Variants in TENM2 observed in about 807,000 individuals in gnomAD.
TENM2 encodes teneurin-2.
TENM2 carries 52 observed loss-of-function variants against 245.2 expected under a neutral mutation model. That is an observed-to-expected ratio of 0.21 (90% CI 0.17 to 0.27). The LOEUF is 0.27. Among genes scored for constraint, TENM2 ranks in the 10% least tolerant of loss-of-function variants. TENM2 has a pLI of 1.00. For missense variants in TENM2, 3,046 were observed against 3,666.8 expected (o/e 0.83, Z 4.37); for synonymous variants, 1,363 against 1,438.9 (o/e 0.95, Z 1.19).
intron 2 of TENM2, among the ~76,000 whole-genome samples, chr5:167,484,498 G>C (rs1432886): frequency 0.22 from 32,903 of 151,938 alleles, 3,719 homozygotes; most frequent in African/African-American, 0.29. Context: ...CCCTCCCAGC[G>C]CTCAGGAGCC....
intron 22 of TENM2, 137 bp downstream of exon 24, chr5:168,217,059 G>A: frequency 3.2e-6 from 3 of 930,006 alleles, no homozygotes; most frequent in Non-Finnish European, 3.3e-6. Flanking sequence ...TTTGGAGAAA[G>A]CCTGAGATGA....
At chr5:167,437,588 G>C (rs1200844883) in intron 2 of TENM2, among the ~76,000 whole-genome samples, 3 of 151,992 alleles carry the variant, frequency 2.0e-5, no homozygotes, top group Admixed American at 1.3e-4. Context: ...GAGTGGCCAG[G>C]GGCTGAAGAT....
At chr5:167,902,172 G>T (rs1410115737) in intron 3 of TENM2, among the ~76,000 whole-genome samples, 1 of 152,138 alleles carries the variant, frequency 6.6e-6, no homozygotes, top group Non-Finnish European at 1.5e-5. Flanking sequence ...GTGGAGTGGG[G>T]AGTGGGGTGG....
chr5:167,038,082 T>C, the TENM2 span, among the ~76,000 whole-genome samples: 1 of 152,160 alleles, frequency 6.6e-6, no homozygotes, highest in Non-Finnish European at 1.5e-5. Context: ...GAGATGTCTG[T>C]GGGATGAAGA....
At chr5:167,040,006 T>A in the TENM2 span, among the ~76,000 whole-genome samples, 6 of 152,318 alleles carry the variant, frequency 3.9e-5, no homozygotes, top group South Asian at 1.0e-3. Flanking sequence ...CTTGTATCTG[T>A]CTGCATAGAG....
At chr5:167,299,465 G>C (rs1209791499) in intron 1 of TENM2, among the ~76,000 whole-genome samples, 1 of 152,126 alleles carries the variant, frequency 6.6e-6, no homozygotes, top group African/African-American at 2.4e-5. Flanking sequence ...GCAAATCCTC[G>C]AGCTTGATGT....
rs976345548 is a variant in TENM2, at chr5:167,306,437, G to A, written c.226+21374G>A. ...TGATTTGTTTCTTGGCTTTTGAAAG[G>A]TGATTTAATTCAGGCGTATCAGAGC... On this transcript the variant is annotated intron_variant, in intron 1 of 28. Coordinates refer to ENST00000518659, the Ensembl canonical transcript of TENM2. 4 of 152,118 alleles carry A rather than the reference G, an allele frequency of 2.6e-5. No homozygotes were observed. In the South Asian group the frequency reaches 8.3e-4, roughly 32 times the overall value. The allele number at this position is 152,118 out of a possible 1,614,324, so 9.4% of individuals were successfully genotyped here.
At chr5:167,870,083 T>C (rs1400039341) in intron 2 of TENM2, among the ~76,000 whole-genome samples, 2 of 152,210 alleles carry the variant, frequency 1.3e-5, no homozygotes, top group Non-Finnish European at 2.9e-5. Context: ...GTAAGTCCTT[T>C]TGCAATACTT....
intron 1 of TENM2, among the ~76,000 whole-genome samples, chr5:167,368,467 A>G (rs900248836): frequency 1.3e-5 from 2 of 152,100 alleles, no homozygotes; most frequent in Admixed American, 6.6e-5. Flanking sequence ...TAATTTTCCT[A>G]AGGGCTTCTC....
chr5:167,997,427 A>G (rs1467336369), intron 5 of TENM2, among the ~76,000 whole-genome samples: 1 of 152,218 alleles, frequency 6.6e-6, no homozygotes, highest in East Asian at 1.9e-4. Flanking sequence ...GATAGAAACT[A>G]TAGCCCCTCC....
chr5:167,514,925 C>T (rs969696166), intron 2 of TENM2, among the ~76,000 whole-genome samples: 4 of 152,048 alleles, frequency 2.6e-5, no homozygotes, highest in East Asian at 1.9e-4. Flanking sequence ...GCAGGAGAAT[C>T]GCTTGAACCC....
At chr5:167,695,061 T>C (rs1270418508) in intron 2 of TENM2, among the ~76,000 whole-genome samples, 2 of 152,226 alleles carry the variant, frequency 1.3e-5, no homozygotes, top group Non-Finnish European at 2.9e-5. Context: ...TGAAGCTTTA[T>C]TCCTCCTTTG....
chr5:167,326,565 C>T (rs1201612634), intron 1 of TENM2, among the ~76,000 whole-genome samples: 3 of 151,534 alleles, frequency 2.0e-5, no homozygotes, highest in Non-Finnish European at 2.9e-5. Flanking sequence ...CCCAGCTACT[C>T]GGGAGGCTGA....
At chr5:167,456,488 A>G (rs1014317812) in intron 2 of TENM2, among the ~76,000 whole-genome samples, 3 of 152,110 alleles carry the variant, frequency 2.0e-5, no homozygotes, top group African/African-American at 7.2e-5. Context: ...ACACACACAC[A>G]CATCTGGTTT....
At chr5:167,843,713 A>G (rs1340347982) in intron 2 of TENM2, among the ~76,000 whole-genome samples, 1 of 152,194 alleles carries the variant, frequency 6.6e-6, no homozygotes, top group African/African-American at 2.4e-5. Flanking sequence ...TAATAGGCTC[A>G]GCTGCTTCCT....
intron 13 of TENM2, among the ~76,000 whole-genome samples, chr5:168,177,001 T>C (rs968732058): frequency 1.3e-5 from 2 of 152,242 alleles, no homozygotes; most frequent in African/African-American, 4.8e-5. Flanking sequence ...TCCTGTTCAT[T>C]GACTTCGTAT....
the TENM2 span, among the ~76,000 whole-genome samples, chr5:167,150,593 A>G: frequency 1.3e-5 from 2 of 152,264 alleles, no homozygotes; most frequent in African/African-American, 4.8e-5. Flanking sequence ...TAAATGCTTT[A>G]TTCATTTACT....
At chr5:168,108,729 G>C (rs1484184563) in intron 9 of TENM2, among the ~76,000 whole-genome samples, 1 of 152,078 alleles carries the variant, frequency 6.6e-6, no homozygotes, top group Non-Finnish European at 1.5e-5. Flanking sequence ...CAAATCCAGG[G>C]CAGTGTGACC....
upstream of TENM2, among the ~76,000 whole-genome samples, chr5:167,282,563 G>A (rs1363973334): frequency 6.6e-6 from 1 of 152,176 alleles, no homozygotes; most frequent in African/African-American, 2.4e-5. Flanking sequence ...CAAAAACTCT[G>A]TGGAGTAGAT....
Sources: allele counts gnomAD v4.1 joint callset (sites outside exome capture counted in the v4.1 genomes callset), GRCh38; gene constraint gnomAD v4.1.1; transcripts MANE v1.5; gene names NCBI Gene and HGNC (gene_info 2026-07-23, HGNC 2026-07-21).